MDGA2: variants seen among roughly 807,000 people sequenced by gnomAD.
MDGA2 encodes MAM domain containing glycosylphosphatidylinositol anchor 2.
Under a neutral mutation model 117.8 loss-of-function variants are expected in MDGA2, and 40 were observed. The ratio of observed to expected loss-of-function variants is 0.34; its 90% CI spans 0.26 to 0.44. The LOEUF (loss-of-function observed/expected upper bound fraction) is 0.44. Among genes scored for constraint, MDGA2 ranks in the 20% least tolerant of loss-of-function variants. The pLI, the probability that MDGA2 is intolerant of heterozygous loss-of-function variation, is 1.00. For synonymous variants in MDGA2, 452 were observed against 439.0 expected (o/e 1.03, Z -0.37); for missense variants, 1,123 against 1,250.6 (o/e 0.90, Z 1.54).
intron 1 of MDGA2, among the ~76,000 whole-genome samples, chr14:47,493,311 T>C (rs997582619): frequency 1.1e-4 from 16 of 148,524 alleles, no homozygotes; most frequent in African/African-American, 3.7e-4. Context: ...TTTTATATAA[T>C]ATAAAATATA....
At chr14:47,668,321 C>G (rs1223797407) in intron 1 of MDGA2, among the ~76,000 whole-genome samples, 1 of 152,066 alleles carries the variant, frequency 6.6e-6, no homozygotes, top group Non-Finnish European at 1.5e-5. Flanking sequence ...AGTACATGCC[C>G]CATTATTTTA....
intron 1 of MDGA2, among the ~76,000 whole-genome samples, chr14:47,350,563 G>A (rs557678276): frequency 5.1e-4 from 77 of 151,992 alleles, no homozygotes; most frequent in African/African-American, 1.8e-3. Flanking sequence ...GACATCGTGT[G>A]TGTGTGCACG....
At chr14:47,072,791 C>G (rs568650843) in intron 6 of MDGA2, among the ~76,000 whole-genome samples, 43 of 152,084 alleles carry the variant, frequency 2.8e-4, no homozygotes, top group African/African-American at 9.6e-4. Flanking sequence ...ATACAGGGCT[C>G]GAACAGAGAA....
chr14:47,165,250 TAAA>T (rs1168136261), intron 3 of MDGA2, among the ~76,000 whole-genome samples: 1 of 151,682 alleles, frequency 6.6e-6, no homozygotes, highest in African/African-American at 2.4e-5. Context: ...TAAAGTATAA[TAAA>T]AAAATACAAA....
intron 8 of MDGA2, among the ~76,000 whole-genome samples, chr14:46,998,832 C>A (rs1311600702): frequency 6.6e-6 from 1 of 151,996 alleles, no homozygotes; most frequent in Non-Finnish European, 1.5e-5. Flanking sequence ...AAGGTACTTA[C>A]AAATTGGACA....
chr14:47,581,921 A>G (rs1417155583), intron 1 of MDGA2, among the ~76,000 whole-genome samples: 2 of 151,894 alleles, frequency 1.3e-5, no homozygotes, highest in Non-Finnish European at 2.9e-5. Flanking sequence ...TGCATTCATT[A>G]TTGTAGGTAA....
intron 5 of MDGA2, among the ~76,000 whole-genome samples, chr14:47,111,449 A>G (rs972573754): frequency 3.9e-5 from 6 of 152,186 alleles, no homozygotes; most frequent in African/African-American, 1.4e-4. Context: ...AAAAAATTGG[A>G]TAGAGTAAAA....
At chr14:46,859,115 T>C (rs867314191) in intron 14 of MDGA2, among the ~76,000 whole-genome samples, 3 of 152,276 alleles carry the variant, frequency 2.0e-5, no homozygotes, top group Middle Eastern at 3.4e-3. Context: ...TTGCATTTAG[T>C]TTAGGCTGTT....
intron 8 of MDGA2, among the ~76,000 whole-genome samples, chr14:46,975,326 C>A (rs980503860): frequency 3.3e-5 from 5 of 151,992 alleles, no homozygotes; most frequent in Non-Finnish European, 7.4e-5. Context: ...ACTACATGAT[C>A]CAGGGATTCT....
At chr14:47,181,808 T>C (rs1345684015) in intron 3 of MDGA2, among the ~76,000 whole-genome samples, 1 of 152,178 alleles carries the variant, frequency 6.6e-6, no homozygotes, top group African/African-American at 2.4e-5. Context: ...CCAATATACA[T>C]CATGAGCTAG....
At chr14:47,234,173 T>C (rs940328039) in intron 2 of MDGA2, among the ~76,000 whole-genome samples, 1 of 151,488 alleles carries the variant, frequency 6.6e-6, no homozygotes, top group Non-Finnish European at 1.5e-5. Context: ...GTCTTAATAA[T>C]ATATGTGTGT....
At chr14:47,236,316 A>ACACTGTG (rs1886863070) in intron 2 of MDGA2, among the ~76,000 whole-genome samples, 1 of 149,498 alleles carries the variant, frequency 6.7e-6, no homozygotes, top group Non-Finnish European at 1.5e-5. Context: ...AAAAAAAACA[A>ACACTGTG]CACTGTGGGG....
chr14:47,341,845 G>A (rs927727814), intron 1 of MDGA2, among the ~76,000 whole-genome samples: 6 of 151,998 alleles, frequency 3.9e-5, no homozygotes, highest in African/African-American at 1.4e-4. Flanking sequence ...TTCTTTCTTT[G>A]TCTTTTATTT....
chr14:47,658,027 G>C (rs1897777467), intron 1 of MDGA2, among the ~76,000 whole-genome samples: 1 of 152,150 alleles, frequency 6.6e-6, no homozygotes, highest in South Asian at 2.1e-4. Context: ...CAGAATTACA[G>C]GGCCTGTGTG....
chr14:47,581,380 T>G (rs1405267851), intron 1 of MDGA2, among the ~76,000 whole-genome samples: 1 of 152,018 alleles, frequency 6.6e-6, no homozygotes, highest in African/African-American at 2.4e-5. Context: ...TTTGAGGATA[T>G]AAGAATTGGG....
chr14:47,096,274 T>C (rs1441238061), intron 6 of MDGA2, among the ~76,000 whole-genome samples: 2 of 152,070 alleles, frequency 1.3e-5, no homozygotes, highest in Non-Finnish European at 1.5e-5. Flanking sequence ...TATTCCCTAA[T>C]AACCTCAGCC....
intron 6 of MDGA2, among the ~76,000 whole-genome samples, chr14:47,091,912 G>A (rs150143096): frequency 1.3e-5 from 2 of 152,154 alleles, no homozygotes; most frequent in Admixed American, 1.3e-4. Flanking sequence ...ATGACCACAT[G>A]GAACAACCTC....
At chr14:47,382,712 T>A (rs144645179) in intron 1 of MDGA2, among the ~76,000 whole-genome samples, 1 of 152,076 alleles carries the variant, frequency 6.6e-6, no homozygotes, top group Non-Finnish European at 1.5e-5. Flanking sequence ...CAACAGGTGC[T>A]GGAGAGGATG....
At chr14:47,011,997 T>C (rs1048024996) in intron 8 of MDGA2, among the ~76,000 whole-genome samples, 3 of 41,006 alleles carry the variant, frequency 7.3e-5, no homozygotes, top group South Asian at 1.9e-3. Context: ...CCTTCCTGAA[T>C]TGTGTCATCG....
Sources: allele counts gnomAD v4.1 joint callset (sites outside exome capture counted in the v4.1 genomes callset), GRCh38; gene constraint gnomAD v4.1.1; transcripts MANE v1.5; gene names NCBI Gene and HGNC (gene_info 2026-07-23, HGNC 2026-07-21).